AP3B1: variants seen among roughly 807,000 people sequenced by gnomAD.
The protein encoded by AP3B1 is adaptor related protein complex 3 subunit beta 1.
A neutral mutation model predicts 132.5 loss-of-function variants in AP3B1; 61 were observed. That is an observed-to-expected ratio of 0.46 (90% CI 0.37 to 0.57). The LOEUF (loss-of-function observed/expected upper bound fraction) is 0.57, where lower values mean the gene tolerates loss of function less well. AP3B1 is among the 20% of genes least tolerant of loss of function. The pLI is 0.00. For synonymous variants in AP3B1, 388 were observed against 438.3 expected (o/e 0.89, Z 1.43); for missense variants, 1,120 against 1,289.4 (o/e 0.87, Z 2.01).
At chr5:78,266,547 G>A (rs1421912976) in intron 2 of AP3B1, among the ~76,000 whole-genome samples, 2 of 152,114 alleles carry the variant, frequency 1.3e-5, no homozygotes, top group Non-Finnish European at 2.9e-5. Context: ...GCTCTCATAC[G>A]ATGGCACTGC....
intron 22 of AP3B1, among the ~76,000 whole-genome samples, chr5:78,084,339 C>A (rs998480897): frequency 1.3e-5 from 2 of 151,408 alleles, no homozygotes; most frequent in South Asian, 2.1e-4. Flanking sequence ...AAAAAATTAG[C>A]CAATAAATTA....
intron 17 of AP3B1, chr5:78,121,825 A>T (rs1016305261): frequency 6.6e-6 from 1 of 152,272 alleles, no homozygotes; most frequent in African/African-American, 2.4e-5. Context: ...AAAAGAGGGA[A>T]GCCTCCCTAA....
At chr5:78,140,127 A>G (rs1335383556) in intron 15 of AP3B1, among the ~76,000 whole-genome samples, 4 of 152,204 alleles carry the variant, frequency 2.6e-5, no homozygotes, top group African/African-American at 9.7e-5. Context: ...CAGATATAGG[A>G]AAAGTCCCTA....
intron 22 of AP3B1, among the ~76,000 whole-genome samples, chr5:78,087,036 A>G (rs949494964): frequency 6.6e-6 from 1 of 152,232 alleles, no homozygotes; most frequent in Non-Finnish European, 1.5e-5. Flanking sequence ...TGAGTTCTAT[A>G]TACGAGTGCC....
intron 7 of AP3B1, among the ~76,000 whole-genome samples, chr5:78,194,951 AAATG>A (rs1201745098): frequency 2.6e-5 from 4 of 152,212 alleles, no homozygotes; most frequent in African/African-American, 9.6e-5. Context: ...TTCTATTTAT[AAATG>A]AATGTTTTAT....
rs117763285 is a variant in AP3B1 at position 78,216,881 on chromosome 5, A to G, written c.604-644T>C. On this transcript the variant is annotated intron_variant, in intron 6 of 26. Coordinates refer to ENST00000255194, the MANE Select transcript of AP3B1 (RefSeq NM_003664.5). The stretch of plus-strand genomic sequence containing the variant: ...AAGTTGGAATAATATATTACTAACA[A>G]AAGGGGGCTCTTCCAACACCAGTTA... Among the ~76,000 whole-genome samples the G allele has an allele frequency of 1.5e-4, 23 of 152,250 alleles. No homozygotes were observed. In the East Asian group the frequency reaches 3.3e-3, roughly 22 times the overall value.
intron 1 of AP3B1, among the ~76,000 whole-genome samples, chr5:78,287,815 T>C (rs1749345015): frequency 6.7e-6 from 1 of 149,866 alleles, no homozygotes; most frequent in African/African-American, 2.4e-5. Context: ...TTAACAGCTC[T>C]AGTACCAGAT....
intron 7 of AP3B1, among the ~76,000 whole-genome samples, chr5:78,195,275 T>C (rs532358713): frequency 6.6e-6 from 1 of 152,284 alleles, no homozygotes; most frequent in African/African-American, 2.4e-5. Flanking sequence ...ACGTGATGTA[T>C]ACATAGGGAT....
intron 3 of AP3B1, among the ~76,000 whole-genome samples, chr5:78,233,552 A>G (rs555904484): frequency 1.3e-5 from 2 of 152,278 alleles, no homozygotes; most frequent in East Asian, 3.9e-4. Flanking sequence ...TCTTTTCTAA[A>G]AGTACCCTTG....
At chr5:78,134,583 C>T (rs886679036) in intron 15 of AP3B1, among the ~76,000 whole-genome samples, 1 of 152,160 alleles carries the variant, frequency 6.6e-6, no homozygotes, top group African/African-American at 2.4e-5. Flanking sequence ...TCTGGTTGCC[C>T]AGGCTGGAGT....
chr5:78,248,512 A>G lies in AP3B1; in HGVS notation c.205-7576T>C, dbSNP rs562317852. Among the ~76,000 whole-genome samples, 262 of 151,102 alleles carry G rather than the reference A, an allele frequency of 1.7e-3. 1 individual carries two copies. Among genetic ancestry groups the G allele is most frequent in the East Asian group, 2.7e-3 (14 of 5,172 alleles). On this transcript the variant is annotated intron_variant, in intron 2 of 26. Transcript: ENST00000255194. ...TGTCTCAAAAAAAAAAAAAAAAAAA[A>G]AAAAGAAAAGAAAAATGCAGAAACA...
intron 15 of AP3B1, among the ~76,000 whole-genome samples, chr5:78,139,364 A>G (rs946597967): frequency 6.6e-6 from 1 of 152,178 alleles, no homozygotes; most frequent in Non-Finnish European, 1.5e-5. Flanking sequence ...TTTCAGGCTA[A>G]AACTCCCTCT....
chr5:78,177,309 A>T (rs1258027695), intron 9 of AP3B1, 30 bp downstream of exon 9: 11 of 1,477,762 alleles, frequency 7.4e-6, no homozygotes, highest in Non-Finnish European at 1.0e-5. Context: ...GGAATACAAA[A>T]GAAAAAATAT....
chr5:78,157,516 T>C (rs1040316312), intron 13 of AP3B1, among the ~76,000 whole-genome samples: 22 of 152,184 alleles, frequency 1.4e-4, no homozygotes, highest in African/African-American at 5.3e-4. Flanking sequence ...CAGTCTCTTT[T>C]TGGTGGTACT....
At chr5:78,283,894 G>GAT (rs1307414174) in intron 1 of AP3B1, among the ~76,000 whole-genome samples, 2 of 152,132 alleles carry the variant, frequency 1.3e-5, no homozygotes, top group African/African-American at 4.8e-5. Context: ...AAACCTTCAT[G>GAT]ATAAAATCCT....
At chr5:78,198,973 T>A (rs1489343408) in intron 7 of AP3B1, among the ~76,000 whole-genome samples, 1 of 152,168 alleles carries the variant, frequency 6.6e-6, no homozygotes, top group Non-Finnish European at 1.5e-5. Context: ...TGGTTTGAGA[T>A]TTTTTTTCCT....
intron 2 of AP3B1, among the ~76,000 whole-genome samples, chr5:78,259,117 A>G (rs1017300039): frequency 6.6e-6 from 1 of 152,046 alleles, no homozygotes; most frequent in Non-Finnish European, 1.5e-5. Context: ...GCATGATGGC[A>G]GGTGCCTGTA....
At chr5:78,201,399 T>C (rs1745283359) in intron 7 of AP3B1, among the ~76,000 whole-genome samples, 1 of 152,208 alleles carries the variant, frequency 6.6e-6, no homozygotes, top group South Asian at 2.1e-4. Flanking sequence ...AATAGCCCAG[T>C]ATTTATTAAT....
At chr5:78,292,042 A>AT (rs370344176) in intron 1 of AP3B1, among the ~76,000 whole-genome samples, 188 of 149,934 alleles carry the variant, frequency 1.3e-3, no homozygotes, top group African/African-American at 4.1e-3. Flanking sequence ...GCAATGTAGC[A>AT]TTTTTTTTTT....
Sources: gnomAD v4.1 joint callset for allele counts (sites outside exome capture counted in the v4.1 genomes callset) on GRCh38, gnomAD v4.1.1 for gene constraint, MANE v1.5 for transcripts, NCBI Gene and HGNC (gene_info 2026-07-23, HGNC 2026-07-21) for gene names.